RAP1GDS1: variants seen among roughly 807,000 people sequenced by gnomAD.
The protein encoded by RAP1GDS1 is Rap1 GTPase-GDP dissociation stimulator 1.
RAP1GDS1 carries 35 observed loss-of-function variants against 71.1 expected under a neutral mutation model. That is an observed-to-expected ratio of 0.49 (90% CI 0.38 to 0.65). The LOEUF (loss-of-function observed/expected upper bound fraction) is 0.65. Among genes scored for constraint, RAP1GDS1 ranks in the 30% least tolerant of loss-of-function variants. RAP1GDS1 has a pLI of 0.00. For synonymous variants in RAP1GDS1, 229 were observed against 243.1 expected (o/e 0.94, Z 0.54); for missense variants, 663 against 706.1 (o/e 0.94, Z 0.69).
intron 6 of RAP1GDS1, among the ~76,000 whole-genome samples, chr4:98,393,469 C>A (rs1206260132): frequency 6.6e-6 from 1 of 151,418 alleles, no homozygotes. Flanking sequence ...TATTCTTTTC[C>A]GTGATTAAAA....
chr4:98,261,623 T>C (rs1721980285), intron 1 of RAP1GDS1, 54 bp downstream of exon 1: 1 of 1,566,494 alleles, frequency 6.4e-7, no homozygotes, highest in Admixed American at 1.7e-5. Context: ...TTTCTCGGCG[T>C]GCTGCAGGGT....
At chr4:98,358,277 G>A (rs910214737) in intron 4 of RAP1GDS1, among the ~76,000 whole-genome samples, 5 of 152,012 alleles carry the variant, frequency 3.3e-5, no homozygotes, top group Non-Finnish European at 7.4e-5. Flanking sequence ...AGTGTACCTA[G>A]TGACGGTTCT....
chr4:98,339,461 A>G (rs898767028), intron 2 of RAP1GDS1, among the ~76,000 whole-genome samples: 1 of 152,224 alleles, frequency 6.6e-6, no homozygotes, highest in Non-Finnish European at 1.5e-5. Flanking sequence ...TCCTGCAAAC[A>G]TTAAAAAGGA....
intron 1 of RAP1GDS1, among the ~76,000 whole-genome samples, chr4:98,268,751 G>C (rs918538392): frequency 4.1e-4 from 63 of 151,966 alleles, no homozygotes; most frequent in Non-Finnish European, 6.8e-4. Context: ...TTTAGGAATA[G>C]ATTTAACCAA....
intron 2 of RAP1GDS1, among the ~76,000 whole-genome samples, chr4:98,320,937 C>T (rs1430779945): frequency 2.7e-5 from 3 of 110,494 alleles, no homozygotes; most frequent in Non-Finnish European, 5.4e-5. Flanking sequence ...TTTTGACGAG[C>T]TGAGAGAAGA....
At chr4:98,323,168 C>G (rs1362962304) in intron 2 of RAP1GDS1, among the ~76,000 whole-genome samples, 2 of 147,018 alleles carry the variant, frequency 1.4e-5, no homozygotes, top group African/African-American at 5.2e-5. Flanking sequence ...ACTAGAAAAT[C>G]TAGAAGAAAT....
At chr4:98,264,347 G>A (rs955580100) in intron 1 of RAP1GDS1, among the ~76,000 whole-genome samples, 1 of 152,116 alleles carries the variant, frequency 6.6e-6, no homozygotes, top group African/African-American at 2.4e-5. Context: ...AGTGAGCCGA[G>A]ATCATGCCAT....
At chr4:98,348,369 A>G (rs148567920) in intron 3 of RAP1GDS1, among the ~76,000 whole-genome samples, 3,765 of 152,236 alleles carry the variant, frequency 0.025, 77 homozygotes, top group Non-Finnish European at 0.04. Flanking sequence ...TCTATCATTG[A>G]TGGGCATTTG....
rs1730316463 is a variant in RAP1GDS1 at position 98,312,117 on chromosome 4, TCTA to T, written c.112+18606_112+18608del. Among the ~76,000 whole-genome samples the T allele has an allele frequency of 2.0e-5, 3 of 152,154 alleles. No homozygotes were observed. In the South Asian group the frequency reaches 6.2e-4, roughly 32 times the overall value. Reference sequence around the variant, plus strand: ...TTGGGGAACAAGGCTTATGGTTTCTTCTACTATGATACTTGTAGACCTGTTTAG... The same window carrying T: ...TTGGGGAACAAGGCTTATGGTTTCTTCTATGATACTTGTAGACCTGTTTAG... On this transcript the variant is annotated intron_variant, in intron 2 of 14. Coordinates refer to ENST00000408927, the MANE Select transcript of RAP1GDS1 (RefSeq NM_001100427.2).
chr4:98,328,850 T>A (rs1733528423), intron 2 of RAP1GDS1, among the ~76,000 whole-genome samples: 2 of 152,202 alleles, frequency 1.3e-5, no homozygotes, highest in African/African-American at 2.4e-5. Context: ...GTTTGTAAAA[T>A]AAGTTTTATC....
intron 4 of RAP1GDS1, among the ~76,000 whole-genome samples, chr4:98,375,566 C>G (rs532064208): frequency 2.4e-4 from 36 of 152,158 alleles, no homozygotes; most frequent in Non-Finnish European, 3.8e-4. Context: ...TAAGAATACA[C>G]TAACATATTA....
intron 4 of RAP1GDS1, among the ~76,000 whole-genome samples, chr4:98,355,913 A>G (rs1737899773): frequency 6.6e-6 from 1 of 152,176 alleles, no homozygotes; most frequent in Admixed American, 6.5e-5. Context: ...TATAGAGATG[A>G]AAGAATCACT....
chr4:98,435,903 C>G (rs943855833), intron 13 of RAP1GDS1, among the ~76,000 whole-genome samples: 1 of 151,592 alleles, frequency 6.6e-6, no homozygotes, highest in Non-Finnish European at 1.5e-5. Flanking sequence ...AACCCCGTCT[C>G]TACTAAAAAT....
Position 98,404,543 on chromosome 4 carries a change from A to C in RAP1GDS1, c.704A>C (p.Gln235Pro). The C allele has an allele frequency of 1.2e-6, 2 of 1,608,482 alleles. No homozygotes were observed. The highest frequency in any genetic ancestry group is 1.7e-6 in the Non-Finnish European group (2 of 1,177,676). ...GAGCTAGTAAAACTCTTCAAGAAAC[A>C]AATAGAACATGATAAGAGAGAAATG... ...AEELVKLFKK[Q>P]IEHDKREMIF... Residue 235 changes from glutamine to proline, a missense_variant, in exon 7 of 15, where the codon CAA (glutamine) becomes CCA (proline). Physicochemically the swap from Gln to Pro is moderately conservative, Grantham distance 76. Transcript: ENST00000408927.
intron 7 of RAP1GDS1, chr4:98,409,354 G>A (rs1019764046): frequency 4.6e-5 from 7 of 153,022 alleles, no homozygotes; most frequent in Admixed American, 3.9e-4. Flanking sequence ...AGAAAATACG[G>A]AGTTGTTCCT....
intron 3 of RAP1GDS1, among the ~76,000 whole-genome samples, chr4:98,345,680 T>C (rs1293052744): frequency 6.6e-6 from 1 of 152,212 alleles, no homozygotes; most frequent in Non-Finnish European, 1.5e-5. Flanking sequence ...AAGTGTTGTG[T>C]ACATTATTTC....
At chr4:98,351,718 A>G (rs757044852) in intron 3 of RAP1GDS1, among the ~76,000 whole-genome samples, 1 of 151,858 alleles carries the variant, frequency 6.6e-6, no homozygotes, top group Non-Finnish European at 1.5e-5. Flanking sequence ...AAAAAAGTTT[A>G]TGTCCAATCA....
chr4:98,370,612 G>A (rs927534253), intron 4 of RAP1GDS1, among the ~76,000 whole-genome samples: 2 of 150,104 alleles, frequency 1.3e-5, no homozygotes, highest in Non-Finnish European at 3.0e-5. Context: ...CACCCTGGCT[G>A]GAGTGCAGTG....
chr4:98,264,269 G>C (rs1170668765), intron 1 of RAP1GDS1, among the ~76,000 whole-genome samples: 1 of 152,090 alleles, frequency 6.6e-6, no homozygotes, highest in Admixed American at 6.5e-5. Context: ...GGTGGCGGGC[G>C]CCTGTAATCC....
Sources: allele counts gnomAD v4.1 joint callset (sites outside exome capture counted in the v4.1 genomes callset), GRCh38; gene constraint gnomAD v4.1.1; transcripts MANE v1.5; gene names NCBI Gene and HGNC (gene_info 2026-07-23, HGNC 2026-07-21).